NPLOC4: variants seen among roughly 807,000 people sequenced by gnomAD.
NPLOC4 encodes the protein nuclear protein localization protein 4 homolog.
A neutral mutation model predicts 80.6 loss-of-function variants in NPLOC4; 18 were observed. The observed-to-expected ratio is 0.22, with a 90% CI of 0.15 to 0.33. The LOEUF is 0.33. Ranked by LOEUF, NPLOC4 falls within the 10% of genes least tolerant of loss-of-function variation. NPLOC4 has a pLI of 1.00. For missense variants in NPLOC4, 540 were observed against 786.1 expected (o/e 0.69, Z 3.74); for synonymous variants, 313 against 301.5 (o/e 1.04, Z -0.39).
intron 1 of NPLOC4, among the ~76,000 whole-genome samples, chr17:81,633,481 G>A (rs1832565695): frequency 6.6e-6 from 1 of 152,160 alleles, no homozygotes; most frequent in Non-Finnish European, 1.5e-5. Flanking sequence ...GGTTTCCAAG[G>A]CCAACTCCAG....
intron 12 of NPLOC4, among the ~76,000 whole-genome samples, chr17:81,581,759 G>C (rs2034446690): frequency 6.6e-6 from 1 of 152,250 alleles, no homozygotes; most frequent in South Asian, 2.1e-4. Context: ...CCCATGTCCA[G>C]AGGAGTGGGA....
chr17:81,600,432 A>T lies in NPLOC4; in HGVS notation c.835-5T>A. On this transcript the variant is annotated splice_region_variant and splice_polypyrimidine_tract_variant and intron_variant, in intron 8 of 16. Coordinates refer to ENST00000331134, the MANE Select transcript of NPLOC4 (RefSeq NM_017921.4). ...CAAGCTGTTCTGTGTACCAATCTGCAGGGAATCAAAGGGAGAAGATGGACT... is the reference window on the plus strand; with the variant it reads ...CAAGCTGTTCTGTGTACCAATCTGCTGGGAATCAAAGGGAGAAGATGGACT... The T allele has an allele frequency of 6.2e-7, 1 of 1,606,828 alleles. No individual in the cohort carries two copies.
In NPLOC4 at chr17:81,597,266, G is replaced by A. The variant is rs200752877; in HGVS notation, c.972C>T (p.Thr324=). The A allele has an allele frequency of 5.6e-5, 90 of 1,613,472 alleles. No individual in the cohort carries two copies. The highest frequency in any genetic ancestry group is 2.7e-4 in the Admixed American group (16 of 60,010). Residue 324 remains threonine (T), a synonymous_variant, in exon 10 of 17, where the codon ACC becomes ACT. Coordinates refer to ENST00000331134, the MANE Select transcript of NPLOC4 (RefSeq NM_017921.4). ...DLVSEDTRKG[T]VRYSRNKDTY... ...TCACCTTATTTCGACTGTAGCGGAC[G>A]GTACCCTTTCGGGTATCTTCTGAGA...
chr17:81,585,351 T>G (rs755810288), intron 12 of NPLOC4, among the ~76,000 whole-genome samples: 1 of 151,980 alleles, frequency 6.6e-6, no homozygotes, highest in Non-Finnish European at 1.5e-5. Context: ...TGTGCTCATA[T>G]AGCTGATTAT....
chr17:81,582,118 C>A (rs976431251), intron 12 of NPLOC4, among the ~76,000 whole-genome samples: 1 of 152,194 alleles, frequency 6.6e-6, no homozygotes, highest in East Asian at 1.9e-4. Flanking sequence ...CAGAGCCAGT[C>A]GGAAGACTTA....
At position 81,564,291 on chromosome 17, in the gene NPLOC4, G is replaced by A. The variant is rs180759612; in HGVS notation, c.1669+1214C>T. The stretch of plus-strand genomic sequence containing the variant: ...TTTTTAAAAAACAAACAAATAAAAA[G>A]CAACAACAAAGCCCCAAGAATTAGC... On this transcript the variant is annotated intron_variant, in intron 16 of 16. Transcript: ENST00000331134. The A allele has an allele frequency of 1.7e-3, 265 of 156,564 alleles. 2 individuals are homozygous for A. The highest frequency in any genetic ancestry group is 5.8e-3 in the African/African-American group (240 of 41,476). 9.7% of individuals were successfully genotyped at this position (156,564 alleles called of 1,614,324 possible).
intron 16 of NPLOC4, chr17:81,562,657 T>C (rs1388008713): frequency 6.6e-6 from 1 of 152,154 alleles, no homozygotes; most frequent in African/African-American, 2.4e-5. Flanking sequence ...CTGCCTATTA[T>C]TAAAGAGTTG....
chr17:81,629,683 G>T, intron 2 of NPLOC4, 42 bp downstream of exon 2: 2 of 1,382,740 alleles, frequency 1.4e-6, no homozygotes, highest in Non-Finnish European at 2.1e-6. Context: ...AAGAGTAGAG[G>T]ATGAAAAATA....
chr17:81,610,559 C>T (rs1352433138), intron 4 of NPLOC4, among the ~76,000 whole-genome samples: 1 of 152,144 alleles, frequency 6.6e-6, no homozygotes, highest in Non-Finnish European at 1.5e-5. Flanking sequence ...TCCAGGTGTA[C>T]ACCACCACAC....
Position 81,596,227 on chromosome 17 carries a change from T to G in NPLOC4, c.1009A>C (p.Ser337Arg). 6.2e-7 allele frequency: 1 copy of G among 1,612,112 alleles called. No homozygotes were observed. Among genetic ancestry groups the G allele is most frequent in the Non-Finnish European group, 8.5e-7 (1 of 1,178,712 alleles). ...CCTGCAGTGATGCACTCTTCTGAAC[T>G]TAGGAAATAGGTGTCCTAAGACAAG... ...YSRNKDTYFL[S>R]SEECITAGDF... is the part of the protein sequence containing the mutation. The change falls in exon 11 of 17, where the codon AGT becomes CGT. Residue 337 changes from serine (S) to arginine (R), a missense_variant. Transcript: ENST00000331134.
In NPLOC4 at chr17:81,585,113, T is replaced by C. The variant is rs567325856; in HGVS notation, c.1281+3831A>G. On this transcript the variant is annotated intron_variant, in intron 12 of 16. Coordinates refer to ENST00000331134, the MANE Select transcript of NPLOC4 (RefSeq NM_017921.4). ...TGAACCCGGGAGGCGGAGGTTGCAG[T>C]GATCTGAGATCGCACCACTACACTC... Among the ~76,000 whole-genome samples, 11 of 127,046 alleles carry C rather than the reference T, an allele frequency of 8.7e-5. No individual in the cohort carries two copies. The South Asian group carries it at 2.7e-3, about 31-fold the overall frequency. 83.3% of individuals were successfully genotyped at this position (127,046 alleles called of 152,430 possible). A position where few individuals can be genotyped will look rare whatever the true frequency, so the allele number is the denominator to read the frequency against.
In NPLOC4 at chr17:81,581,375, A is replaced by AAAAAAAAAAAAAAAAAAAAAAAGTC. The variant is rs1555680405; in HGVS notation, c.1281+7568_1281+7569insGACTTTTTTTTTTTTTTTTTTTTTT. On this transcript the variant is annotated intron_variant, in intron 12 of 16. Coordinates refer to ENST00000331134, the MANE Select transcript of NPLOC4 (RefSeq NM_017921.4). The stretch of plus-strand genomic sequence containing the variant: ...AAAAAAAAAAAAAAAAAAAAAAAAA[A>AAAAAAAAAAAAAAAAAAAAAAAGTC]AGTTAATAAAATCACCATGTCACAA... Among the ~76,000 whole-genome samples the AAAAAAAAAAAAAAAAAAAAAAAGTC allele has an allele frequency of 1.1e-4, 8 of 72,860 alleles. 3 individuals are homozygous for AAAAAAAAAAAAAAAAAAAAAAAGTC. Among genetic ancestry groups the AAAAAAAAAAAAAAAAAAAAAAAGTC allele is most frequent in the Non-Finnish European group, 8.6e-5 (3 of 34,992 alleles). 47.8% of individuals were successfully genotyped at this position (72,860 alleles called of 152,430 possible). A position where few individuals can be genotyped will look rare whatever the true frequency, so the allele number is the denominator to read the frequency against.
intron 1 of NPLOC4, among the ~76,000 whole-genome samples, chr17:81,635,382 G>A (rs946125704): frequency 1.2e-4 from 17 of 146,080 alleles, no homozygotes; most frequent in African/African-American, 4.3e-4. Flanking sequence ...AAAAGGAGTC[G>A]ACGTTTCCTA....
At chr17:81,582,934 C>A (rs1282533580) in intron 12 of NPLOC4, among the ~76,000 whole-genome samples, 2 of 152,264 alleles carry the variant, frequency 1.3e-5, no homozygotes, top group Non-Finnish European at 2.9e-5. Flanking sequence ...AAGAAACACA[C>A]AAAAACCCAA....
chr17:81,575,746 T>C (rs2034279914), intron 12 of NPLOC4, among the ~76,000 whole-genome samples: 1 of 152,202 alleles, frequency 6.6e-6, no homozygotes, highest in African/African-American at 2.4e-5. Context: ...AACCTTGAAG[T>C]TGAGGCTCGG....
In NPLOC4 at chr17:81,622,154, G is replaced by C; in HGVS notation, c.209+12C>G. The C allele has an allele frequency of 6.3e-7, 1 of 1,591,528 alleles. No individual in the cohort carries two copies. The highest frequency in any genetic ancestry group is 8.6e-7 in the Non-Finnish European group (1 of 1,159,794). ...CCCCCCATTCCCTGCTTCCTCCTCAGAGGACACTTACTTGATTTTTAGCAA... is the reference window on the plus strand; with the variant it reads ...CCCCCCATTCCCTGCTTCCTCCTCACAGGACACTTACTTGATTTTTAGCAA... On this transcript the variant is annotated intron_variant, in intron 3 of 16. Coordinates refer to ENST00000331134, the MANE Select transcript of NPLOC4 (RefSeq NM_017921.4).
At chr17:81,563,588 GAAA>G (rs751552683) in intron 16 of NPLOC4, 16 of 145,654 alleles carry the variant, frequency 1.1e-4, no homozygotes, top group Middle Eastern at 3.1e-3. Context: ...AAACAAAAAA[GAAA>G]AAAAAAAAAA....
Position 81,589,008 on chromosome 17 carries a change from G to A in NPLOC4, c.1217C>T (p.Ala406Val). The A allele has an allele frequency of 6.2e-7, 1 of 1,614,026 alleles. No homozygotes were observed. The highest frequency in any genetic ancestry group is 8.5e-7 in the Non-Finnish European group (1 of 1,179,886). The change falls in exon 12 of 17, where the codon GCC becomes GTC. Residue 406 changes from alanine to valine, a missense_variant. Transcript: ENST00000331134. ...RDECLLPCKD[A>V]PELGYAKESS... ...CTCCTTGGCGTAGCCAAGCTCCGGG[G>A]CGTCCTTGCATGGCAGCAAACACTC... is the stretch of plus-strand genomic sequence containing the variant.
At chr17:81,627,773 A>C (rs1160840607) in intron 2 of NPLOC4, among the ~76,000 whole-genome samples, 1 of 151,974 alleles carries the variant, frequency 6.6e-6, no homozygotes, top group African/African-American at 2.4e-5. Context: ...TGTCTCAAAA[A>C]ACAAAAACAA....
Sources: allele counts gnomAD v4.1 joint callset (sites outside exome capture counted in the v4.1 genomes callset), GRCh38; gene constraint gnomAD v4.1.1; transcripts MANE v1.5; gene names NCBI Gene and HGNC (gene_info 2026-07-23, HGNC 2026-07-21).